HERC6: variants seen among roughly 807,000 people sequenced by gnomAD.
HERC6 encodes the protein probable E3 ubiquitin-protein ligase HERC6.
Under a neutral mutation model 114.5 loss-of-function variants are expected in HERC6, and 101 were observed. The ratio of observed to expected loss-of-function variants is 0.88; its 90% CI spans 0.75 to 1.04. HERC6 has a LOEUF of 1.04. HERC6 is among the 50% of genes least tolerant of loss of function. The probability of loss-of-function intolerance (pLI) is 0.00; values close to 1 mark genes in which losing one functional copy is unlikely to be tolerated. For missense variants in HERC6, 1,133 were observed against 1,230.9 expected (o/e 0.92, Z 1.19); for synonymous variants, 408 against 436.2 (o/e 0.94, Z 0.81).
intron 16 of HERC6, among the ~76,000 whole-genome samples, 161 bp from the exon 17 acceptor site, chr4:88,431,001 C>T (rs1034064362): frequency 5.3e-5 from 8 of 152,158 alleles, no homozygotes; most frequent in Non-Finnish European, 1.0e-4. Flanking sequence ...CTTCACTGCT[C>T]AGCAGCAAAC....
At position 88,442,266 on chromosome 4, in the gene HERC6, A is replaced by C; in HGVS notation, c.2875A>C (p.Arg959=). 6.2e-7 allele frequency: 1 copy of C among 1,612,930 alleles called. No individual in the cohort carries two copies. The highest frequency in any genetic ancestry group is 8.5e-7 in the Non-Finnish European group (1 of 1,179,362). The stretch of plus-strand genomic sequence containing the variant: ...TACAGGACGTGATAGGCTGCATGCA[A>C]GAGGCATACAGAAAATGGAAATAGT... ...FLTGRDRLHA[R]GIQKMEIVFR... Residue 959 remains arginine, a synonymous_variant, in exon 23 of 23, where the codon AGA becomes CGA. Coordinates refer to ENST00000264346, the MANE Select transcript of HERC6 (RefSeq NM_017912.4).
Position 88,439,861 on chromosome 4 carries a change from T to G in HERC6, c.2556-13T>G. ...TCCTTTCTTTTTTTTTTTTTTTTTT[T>G]GCTTCCCTCAAGGAGAGACTATGTT... On this transcript the variant is annotated splice_polypyrimidine_tract_variant and intron_variant, in intron 20 of 22. Coordinates refer to ENST00000264346, the MANE Select transcript of HERC6 (RefSeq NM_017912.4). 2 of 1,187,274 alleles carry G rather than the reference T, an allele frequency of 1.7e-6. No individual in the cohort carries two copies. The highest frequency in any genetic ancestry group is 2.2e-6 in the Non-Finnish European group (2 of 923,106). The allele number at this position is 1,187,274 out of a possible 1,614,324, so 73.5% of individuals were successfully genotyped here.
rs754117755 is a variant in HERC6 at position 88,424,655 on chromosome 4, C to T, written c.1888C>T (p.Leu630=). 43 of 1,611,792 alleles carry T rather than the reference C, an allele frequency of 2.7e-5. No homozygotes were observed. The South Asian group carries it at 4.0e-4, about 15-fold the overall frequency. ...TGATTTTCCATTTATCTTTAATTCG[C>T]TATCCAAAATTAAATTATTGCAAGC... ...FSDFPFIFNS[L]SKIKLLQADS... is the part of the protein sequence containing the mutation. The change falls in exon 15 of 23, where the codon CTA becomes TTA. Residue 630 remains leucine (L), a synonymous_variant. Transcript: ENST00000264346.
At chr4:88,384,929 A>T (rs35846287) in intron 2 of HERC6, among the ~76,000 whole-genome samples, 38,376 of 152,026 alleles carry the variant, frequency 0.25, 4,929 homozygotes, top group African/African-American at 0.29. Flanking sequence ...AGGCTGAGGC[A>T]GTAGAATTAC....
At chr4:88,436,543 ACC>A (rs1738767105) in intron 18 of HERC6, among the ~76,000 whole-genome samples, 1 of 152,178 alleles carries the variant, frequency 6.6e-6, no homozygotes, top group Admixed American at 6.5e-5. Context: ...TTGGGGTCAC[ACC>A]CACTGGATGC....
chr4:88,434,564 A>C (rs1222410966), intron 17 of HERC6, among the ~76,000 whole-genome samples: 1 of 152,144 alleles, frequency 6.6e-6, no homozygotes, highest in African/African-American at 2.4e-5. Context: ...AAATGAACTA[A>C]AGAGACACAG....
rs547881464 is a variant in HERC6, at chr4:88,443,035, T to G, written c.*575T>G. The stretch of plus-strand genomic sequence containing the variant: ...TCTAGCCCACTCCCACCCTGTGGAA[T>G]GTACTTTCACTTTTGCTGCTTCACT... On this transcript the variant is annotated 3_prime_UTR_variant, in exon 23 of 23. Transcript: ENST00000264346. The G allele has an allele frequency of 2.6e-5, 4 of 153,628 alleles. No individual in the cohort carries two copies. Among genetic ancestry groups the G allele is most frequent in the African/African-American group, 1.0e-4 (4 of 39,572 alleles). The allele number at this position is 153,628 out of a possible 1,614,324, so 9.5% of individuals were successfully genotyped here. A position where few individuals can be genotyped will look rare whatever the true frequency, so the allele number is the denominator to read the frequency against.
chr4:88,419,530 A>C (rs1216804249), intron 13 of HERC6, among the ~76,000 whole-genome samples: 1 of 152,008 alleles, frequency 6.6e-6, no homozygotes, highest in African/African-American at 2.4e-5. Flanking sequence ...TGTCTAAGGC[A>C]CCTAGGGCAG....
rs930660897 is a variant in HERC6, at chr4:88,406,674, T to C, written c.1274+1061T>C. On this transcript the variant is annotated intron_variant, in intron 10 of 22. Transcript: ENST00000264346. ...GGAAATTTATAATACTTTGTTTTAG[T>C]ACTTGCATAAATATTTTAGCCCTAA... 2.6e-5 allele frequency among the ~76,000 whole-genome samples: 4 copies of C among 152,254 alleles called. No individual in the cohort carries two copies. In the South Asian group the frequency reaches 6.2e-4, roughly 24 times the overall value.
intron 5 of HERC6, 70 bp from the exon 6 acceptor site, chr4:88,395,945 C>T: frequency 7.1e-7 from 1 of 1,415,526 alleles, no homozygotes; most frequent in Non-Finnish European, 9.6e-7. Flanking sequence ...TCTTGTATGA[C>T]ACTTAATCAG....
In HERC6 at chr4:88,396,921, A is replaced by G. The variant is rs769975227; in HGVS notation, c.958A>G (p.Ser320Gly). The change falls in exon 7 of 23, where the codon AGC (serine) becomes GGC (glycine). Residue 320 changes from serine to glycine, a missense_variant. By Grantham distance (56) the Ser-to-Gly change is moderately conservative. Coordinates refer to ENST00000264346, the MANE Select transcript of HERC6 (RefSeq NM_017912.4). ...VSFGHGPSDT[S>G]KPTHPEALTE... ...TTTTGGTCATGGACCAAGTGACACA[A>G]GCAAGCCAACTCATCCGGAGGCCCT... The G allele has an allele frequency of 6.2e-7, 1 of 1,611,624 alleles. No homozygotes were observed. The highest frequency in any genetic ancestry group is 8.5e-7 in the Non-Finnish European group (1 of 1,178,412).
rs141252228 is a variant in HERC6 at position 88,392,383 on chromosome 4, T to C, written c.665-1105T>C. Among the ~76,000 whole-genome samples the C allele has an allele frequency of 8.7e-3, 1,319 of 150,950 alleles. 19 individuals carry two copies. Among genetic ancestry groups the C allele is most frequent in the African/African-American group, 0.03 (1,245 of 41,062 alleles). On this transcript the variant is annotated intron_variant, in intron 4 of 22. Transcript: ENST00000264346. ...GCTTTCTAGGTCAATAGCCTTGGGGTTTCACCATGTTGCCCAGGCTGGTTT... is the reference window on the plus strand; with the variant it reads ...GCTTTCTAGGTCAATAGCCTTGGGGCTTCACCATGTTGCCCAGGCTGGTTT...
At chr4:88,398,074 C>A in intron 7 of HERC6, 68 bp from the exon 8 acceptor site, 2 of 1,063,334 alleles carry the variant, frequency 1.9e-6, no homozygotes, top group Admixed American at 2.9e-5. Flanking sequence ...AAATTTTTGG[C>A]TTGATAATAC....
chr4:88,379,035 G>A lies in HERC6; in HGVS notation c.114G>A (p.Leu38=), dbSNP rs766694288. 6.4e-7 allele frequency: 1 copy of A among 1,564,846 alleles called. No individual in the cohort carries two copies. Among genetic ancestry groups the A allele is most frequent in the South Asian group, 1.2e-5 (1 of 85,142 alleles). Residue 38 remains leucine (L), a synonymous_variant, in exon 1 of 23, where the codon CTG becomes CTA. Transcript: ENST00000264346. ...GCGGGGAGCGCCACTCTCTGCTGCT[G>A]CTGACCAACCACAGGGTCCTCTCGT... ...AASGERHSLL[L]LTNHRVLSCG... is the part of the protein sequence containing the mutation.
intron 13 of HERC6, among the ~76,000 whole-genome samples, chr4:88,422,995 A>C (rs1335046754): frequency 1.4e-5 from 2 of 145,228 alleles, no homozygotes; most frequent in Non-Finnish European, 3.0e-5. Flanking sequence ...CAAATGTCCT[A>C]TTTTTATCTT....
intron 4 of HERC6, among the ~76,000 whole-genome samples, chr4:88,391,380 A>C (rs1187279998): frequency 6.6e-6 from 1 of 152,192 alleles, no homozygotes; most frequent in Non-Finnish European, 1.5e-5. Context: ...ATCCAGGCGC[A>C]TCTCCCTTGT....
rs1181084157 is a variant in HERC6 at position 88,393,562 on chromosome 4, C to G, written c.739C>G (p.His247Asp). The change falls in exon 5 of 23, where the codon CAC becomes GAC. Residue 247 changes from histidine to aspartate, a missense_variant. Physicochemically the swap from His to Asp is moderately conservative, Grantham distance 81 (BLOSUM62 -1). This residue lies in a region of HERC6 where 735 missense variants were observed against 754.0 expected (regional missense o/e 0.97). Transcript: ENST00000264346. ...GGTTTATATCAGCTGTGGTGATGCA[C>G]ACACTGCGGTGCTTACCCAGGTAAT... The part of the protein sequence containing the change: ...GVVYISCGDA[H>D]TAVLTQDGKV... 6.2e-7 allele frequency: 1 copy of G among 1,610,554 alleles called. No homozygotes were observed. The highest frequency in any genetic ancestry group is 1.3e-5 in the African/African-American group (1 of 75,034).
chr4:88,413,297 C>G, intron 12 of HERC6, 31 bp downstream of exon 12: 1 of 1,517,702 alleles, frequency 6.6e-7, no homozygotes, highest in Non-Finnish European at 9.0e-7. Flanking sequence ...TCTGTACTCT[C>G]AATATAGAGT....
chr4:88,439,827 C>A, intron 20 of HERC6, 47 bp from the exon 21 acceptor site: 1 of 1,385,282 alleles, frequency 7.2e-7, no homozygotes, highest in Non-Finnish European at 9.4e-7. Flanking sequence ...TAATCATTGG[C>A]CTTTTCCTTC....
Sources: allele counts gnomAD v4.1 joint callset (sites outside exome capture counted in the v4.1 genomes callset), GRCh38; gene constraint gnomAD v4.1.1; regional missense constraint gnomAD v4.1.1; transcripts MANE v1.5; gene names NCBI Gene and HGNC (gene_info 2026-07-23, HGNC 2026-07-21).